Variants in FGF14 observed in about 807,000 individuals in gnomAD.
FGF14 encodes the protein fibroblast growth factor homologous factor 4.
FGF14 carries 5 observed loss-of-function variants against 25.5 expected under a neutral mutation model. The observed-to-expected ratio is 0.20, with a 90% confidence interval of 0.10 to 0.41. The LOEUF (loss-of-function observed/expected upper bound fraction) is 0.41, where lower values mean the gene tolerates loss of function less well. FGF14 is among the 10% of genes least tolerant of loss of function. FGF14 has a pLI of 1.00. For missense variants in FGF14, 222 were observed against 320.1 expected (o/e 0.69, Z 2.34); for synonymous variants, 138 against 118.3 (o/e 1.17, Z -1.08).
chr13:101,878,115 A>G lies in FGF14; in HGVS notation c.194-2819T>C, dbSNP rs558140055. Among the ~76,000 whole-genome samples the G allele has an allele frequency of 3.0e-4, 45 of 152,198 alleles. No individual in the cohort carries two copies. The Middle Eastern group carries it at 0.01, about 35-fold the overall frequency. ...ATCTTATCTGATGGCTCTGCTCACTATAGCCCTTATCCATCCCCTGCAAGT... is the reference window on the plus strand; with the variant it reads ...ATCTTATCTGATGGCTCTGCTCACTGTAGCCCTTATCCATCCCCTGCAAGT... On this transcript the variant is annotated intron_variant, in intron 1 of 4. Coordinates refer to ENST00000376143, the MANE Select transcript of FGF14 (RefSeq NM_004115.4).
intron 1 of FGF14, among the ~76,000 whole-genome samples, chr13:102,129,701 G>C (rs150572717): frequency 0.014 from 2,089 of 152,146 alleles, 46 homozygotes; most frequent in African/African-American, 0.048. Context: ...ATGGGGGTAG[G>C]GGGGAGGGAT....
Position 102,372,261 on chromosome 13 carries a change from G to GA in FGF14, c.208+29209dup, listed in dbSNP as rs1326691514. ...ACGTAGGTAGGGGTTGTCAGATTTAGAAAAAATAAGAAACCTACAGGATGC... is the reference window on the plus strand; with the variant it reads ...ACGTAGGTAGGGGTTGTCAGATTTAGAAAAAAATAAGAAACCTACAGGATGC... On this transcript the variant is annotated intron_variant, in intron 1 of 4. Transcript: ENST00000376131. Among the ~76,000 whole-genome samples the GA allele has an allele frequency of 4.6e-5, 7 of 151,994 alleles. No individual in the cohort carries two copies. The East Asian group carries it at 1.3e-3, about 29-fold the overall frequency.
At chr13:102,331,824 T>C (rs1288393903) in intron 1 of FGF14, among the ~76,000 whole-genome samples, 1 of 152,150 alleles carries the variant, frequency 6.6e-6, no homozygotes, top group Non-Finnish European at 1.5e-5. Flanking sequence ...AGTGAGGCGA[T>C]CCACTGAGTT....
intron 1 of FGF14, among the ~76,000 whole-genome samples, chr13:102,141,649 T>C (rs1471952361): frequency 6.6e-6 from 1 of 152,216 alleles, no homozygotes; most frequent in Non-Finnish European, 1.5e-5. Context: ...TACATAATTG[T>C]GATGCATTTG....
intron 1 of FGF14, among the ~76,000 whole-genome samples, chr13:102,198,899 T>A (rs558764665): frequency 6.6e-6 from 1 of 152,180 alleles, no homozygotes; most frequent in Non-Finnish European, 1.5e-5. Context: ...CTGGAACAAA[T>A]GGAAAGTGCT....
intron 1 of FGF14, among the ~76,000 whole-genome samples, chr13:102,051,700 C>T (rs745470996): frequency 6.6e-6 from 1 of 152,206 alleles, no homozygotes; most frequent in African/African-American, 2.4e-5. Flanking sequence ...AGCACCCTTA[C>T]TGGTGTCAGA....
chr13:102,256,740 C>G (rs2052459113), intron 1 of FGF14, among the ~76,000 whole-genome samples: 1 of 152,142 alleles, frequency 6.6e-6, no homozygotes, highest in Admixed American at 6.6e-5. Flanking sequence ...ATAAGGGAAG[C>G]TTAACAAATG....
intron 1 of FGF14, among the ~76,000 whole-genome samples, chr13:102,268,349 T>C (rs1157141420): frequency 6.6e-6 from 1 of 152,144 alleles, no homozygotes; most frequent in Non-Finnish European, 1.5e-5. Context: ...ATAAGGAAGA[T>C]CTAAAAATGA....
chr13:102,053,193 C>T (rs7325658), intron 1 of FGF14, among the ~76,000 whole-genome samples: 80 of 152,106 alleles, frequency 5.3e-4, no homozygotes, highest in African/African-American at 1.9e-3. Context: ...GTGGTATTTA[C>T]ATATCAATAA....
At chr13:102,352,304 T>C (rs892292819) in intron 1 of FGF14, among the ~76,000 whole-genome samples, 1 of 147,708 alleles carries the variant, frequency 6.8e-6, no homozygotes, top group Admixed American at 6.8e-5. Context: ...CAACATTCAT[T>C]TGAAAATTGA....
intron 3 of FGF14, among the ~76,000 whole-genome samples, chr13:101,770,187 T>G (rs1263306350): frequency 6.6e-6 from 1 of 152,146 alleles, no homozygotes; most frequent in Non-Finnish European, 1.5e-5. Flanking sequence ...TTTCCTGCAT[T>G]CACAACGGAA....
At chr13:102,186,750 T>A (rs2048892428) in intron 1 of FGF14, among the ~76,000 whole-genome samples, 1 of 152,214 alleles carries the variant, frequency 6.6e-6, no homozygotes, top group African/African-American at 2.4e-5. Context: ...GTTACATGTT[T>A]AGTGCACACA....
At chr13:101,945,859 T>C (rs1184554251) in intron 1 of FGF14, among the ~76,000 whole-genome samples, 2 of 152,220 alleles carry the variant, frequency 1.3e-5, no homozygotes, top group African/African-American at 2.4e-5. Flanking sequence ...TTGCCCTCCA[T>C]GGTGGCATGG....
chr13:101,804,388 T>G (rs893925697), intron 3 of FGF14, among the ~76,000 whole-genome samples: 77 of 152,286 alleles, frequency 5.1e-4, no homozygotes, highest in African/African-American at 1.6e-3. Flanking sequence ...TTTGTTGGTG[T>G]GTAAAGGTAA....
Position 101,961,604 on chromosome 13 carries a change from T to C in FGF14, c.209-86308A>G, listed in dbSNP as rs1179568487. On this transcript the variant is annotated intron_variant, in intron 1 of 4. Coordinates refer to the FGF14 transcript ENST00000376131. ...CATCTTGTAGTTCTCATAATACCCA[T>C]ATGTTATGGGAGCAACCTGGTGGGA... Among the ~76,000 whole-genome samples, 3 of 152,276 alleles carry C rather than the reference T, an allele frequency of 2.0e-5. No individual in the cohort carries two copies. The South Asian group carries it at 6.2e-4, about 32-fold the overall frequency.
At position 102,338,646 on chromosome 13, in the gene FGF14, T is replaced by A. The variant is rs116084648; in HGVS notation, c.208+62825A>T. ...AAAACTGAAAAATTCAAATAATCTA[T>A]CATTGATATCATCAAAGATGTGATG... On this transcript the variant is annotated intron_variant, in intron 1 of 4. Transcript: ENST00000376131. 2.8e-3 allele frequency among the ~76,000 whole-genome samples: 433 copies of A among 152,186 alleles called. 2 individuals carry two copies. Among genetic ancestry groups the A allele is most frequent in the African/African-American group, 0.01 (425 of 41,506 alleles).
chr13:102,126,476 A>G (rs530626416), intron 1 of FGF14, among the ~76,000 whole-genome samples: 2 of 152,266 alleles, frequency 1.3e-5, no homozygotes, highest in South Asian at 4.1e-4. Flanking sequence ...GTTGATGGAC[A>G]TTTAGTTTCT....
At chr13:101,940,980 G>T (rs935838097) in intron 1 of FGF14, among the ~76,000 whole-genome samples, 5 of 152,054 alleles carry the variant, frequency 3.3e-5, no homozygotes, top group African/African-American at 1.2e-4. Flanking sequence ...AGTCTTTTGG[G>T]GACATCTCTA....
intron 1 of FGF14, among the ~76,000 whole-genome samples, chr13:102,307,751 A>G (rs2055476126): frequency 1.3e-5 from 2 of 152,142 alleles, no homozygotes. Context: ...TTCTATTACG[A>G]TTCCCATTTT....
Sources: allele counts gnomAD v4.1 joint callset (sites outside exome capture counted in the v4.1 genomes callset), GRCh38; gene constraint gnomAD v4.1.1; transcripts MANE v1.5; gene names NCBI Gene and HGNC (gene_info 2026-07-23, HGNC 2026-07-21).